EYS: variants seen among roughly 807,000 people sequenced by gnomAD.
The protein encoded by EYS is EGF-like photoreceptor maintenance factor.
A neutral mutation model predicts 282.1 loss-of-function variants in EYS; 250 were observed. That is an observed-to-expected ratio of 0.89 (90% confidence interval 0.80 to 0.98). The LOEUF (loss-of-function observed/expected upper bound fraction) is 0.98. EYS is among the 50% of genes least tolerant of loss of function. The pLI, the probability that EYS is intolerant of heterozygous loss-of-function variation, is 0.00. For synonymous variants in EYS, 1,355 were observed against 1,282.9 expected, an observed-to-expected ratio of 1.06 and a Z score of -1.20; for missense variants, 4,016 against 3,709.0, an observed-to-expected ratio of 1.08 and a Z score of -2.15.
At chr6:64,238,020 A>G (rs1766668695) in intron 30 of EYS, among the ~76,000 whole-genome samples, 1 of 152,240 alleles carries the variant, frequency 6.6e-6, no homozygotes, top group Admixed American at 6.5e-5. Flanking sequence ...TAGGATAAGA[A>G]TCATACCTTA....
In EYS at chr6:65,433,417, T is replaced by C. The variant is rs1355091841; in HGVS notation, c.863-28050A>G. ...TGTGGGACTCACCAGGGTACATGATTTAAAAAAAACAGAATGCTTCAACAA... is the reference window on the plus strand; with the variant it reads ...TGTGGGACTCACCAGGGTACATGATCTAAAAAAAACAGAATGCTTCAACAA... On this transcript the variant is annotated intron_variant, in intron 5 of 42. Transcript: ENST00000503581. 3.3e-5 allele frequency among the ~76,000 whole-genome samples: 5 copies of C among 151,216 alleles called. No individual in the cohort carries two copies. The East Asian group carries it at 7.8e-4, about 23-fold the overall frequency.
intron 2 of EYS, among the ~76,000 whole-genome samples, chr6:65,521,282 T>C (rs981118665): frequency 6.6e-6 from 1 of 152,178 alleles, no homozygotes; most frequent in Non-Finnish European, 1.5e-5. Flanking sequence ...TCAAAAACCC[T>C]GGGGGAAGAA....
At chr6:64,330,258 G>A (rs577612543) in intron 29 of EYS, among the ~76,000 whole-genome samples, 7 of 152,274 alleles carry the variant, frequency 4.6e-5, no homozygotes, top group East Asian at 3.9e-4. Context: ...CAAGGGCAGC[G>A]TGAGCTCGGA....
At chr6:64,006,179 T>C (rs1306940839) in intron 33 of EYS, among the ~76,000 whole-genome samples, 1 of 152,100 alleles carries the variant, frequency 6.6e-6, no homozygotes, top group Non-Finnish European at 1.5e-5. Context: ...TGTAGGGATC[T>C]TTTACCTCAC....
intron 35 of EYS, among the ~76,000 whole-genome samples, chr6:63,885,539 A>G (rs534186490): frequency 6.6e-6 from 1 of 152,330 alleles, no homozygotes; most frequent in South Asian, 2.1e-4. Context: ...TGTTAGGCAC[A>G]GGTTTGCTAA....
intron 18 of EYS, among the ~76,000 whole-genome samples, chr6:64,897,575 C>G (rs1453501007): frequency 1.3e-5 from 2 of 152,098 alleles, no homozygotes; most frequent in Non-Finnish European, 2.9e-5. Flanking sequence ...TTCTCACCAG[C>G]AAGGGAACAA....
intron 28 of EYS, among the ~76,000 whole-genome samples, chr6:64,402,964 C>T (rs1470912044): frequency 1.3e-5 from 2 of 152,012 alleles, no homozygotes; most frequent in Non-Finnish European, 2.9e-5. Flanking sequence ...GATTAATTAT[C>T]AGTGATATGG....
chr6:64,509,541 G>C (rs543118008), intron 26 of EYS, among the ~76,000 whole-genome samples: 39 of 152,248 alleles, frequency 2.6e-4, no homozygotes, highest in Admixed American at 9.2e-4. Context: ...ATGTGGCTAG[G>C]AAAATGTATA....
intron 15 of EYS, among the ~76,000 whole-genome samples, chr6:64,927,627 G>T (rs985218880): frequency 1.3e-5 from 2 of 151,992 alleles, no homozygotes; most frequent in African/African-American, 4.8e-5. Flanking sequence ...AATCTTAAGG[G>T]TTCTGGTGTA....
intron 31 of EYS, among the ~76,000 whole-genome samples, chr6:64,170,157 C>T (rs566510339): frequency 3.3e-5 from 5 of 152,208 alleles, no homozygotes; most frequent in African/African-American, 1.2e-4. Context: ...TGCTTTTCCG[C>T]ATTGTCCCAC....
At chr6:65,446,634 G>A (rs1008759199) in intron 5 of EYS, among the ~76,000 whole-genome samples, 15 of 151,744 alleles carry the variant, frequency 9.9e-5, no homozygotes, top group Non-Finnish European at 4.4e-5. Context: ...AAAAGCCAGA[G>A]GGAAATAAGT....
chr6:63,899,552 C>A (rs556920610), intron 35 of EYS, among the ~76,000 whole-genome samples: 3 of 152,340 alleles, frequency 2.0e-5, no homozygotes, highest in East Asian at 1.9e-4. Flanking sequence ...ACTGTTCCCC[C>A]ACTAATGCCA....
At chr6:65,370,357 G>A (rs1254938520) in intron 8 of EYS, among the ~76,000 whole-genome samples, 1 of 145,452 alleles carries the variant, frequency 6.9e-6, no homozygotes, top group Non-Finnish European at 1.5e-5. Flanking sequence ...TGGGCTCAAA[G>A]TGATTATCCT....
At chr6:64,888,852 TA>T (rs1278264536) in intron 18 of EYS, among the ~76,000 whole-genome samples, 2 of 152,034 alleles carry the variant, frequency 1.3e-5, no homozygotes, top group Non-Finnish European at 2.9e-5. Flanking sequence ...AATCACAGAA[TA>T]GAGAGAAATT....
At chr6:64,763,820 G>C (rs1223372386) in intron 22 of EYS, among the ~76,000 whole-genome samples, 1 of 152,074 alleles carries the variant, frequency 6.6e-6, no homozygotes, top group Non-Finnish European at 1.5e-5. Context: ...ATCTGAAAGG[G>C]AGAAACTGGC....
intron 15 of EYS, among the ~76,000 whole-genome samples, chr6:64,939,810 A>T (rs1412445039): frequency 1.3e-5 from 2 of 152,100 alleles, no homozygotes; most frequent in East Asian, 3.9e-4. Flanking sequence ...GCTAGGTGTA[A>T]GTGTTCTTCT....
At chr6:64,711,938 G>A (rs1771227652) in intron 22 of EYS, among the ~76,000 whole-genome samples, 1 of 152,204 alleles carries the variant, frequency 6.6e-6, no homozygotes, top group Admixed American at 6.5e-5. Context: ...GGGCACAACA[G>A]TGTGGAGAAA....
chr6:63,879,005 AG>A (rs1390202560), intron 35 of EYS, among the ~76,000 whole-genome samples: 4 of 152,112 alleles, frequency 2.6e-5, no homozygotes, highest in Admixed American at 2.6e-4. Context: ...CCGGTACTTC[AG>A]GTGCAACTGC....
intron 12 of EYS, among the ~76,000 whole-genome samples, chr6:65,082,887 G>A (rs1462602348): frequency 6.6e-6 from 1 of 151,864 alleles, no homozygotes; most frequent in Non-Finnish European, 1.5e-5. Context: ...GTAAATGCAT[G>A]CAATGGACTG....
Sources: allele counts gnomAD v4.1 joint callset (sites outside exome capture counted in the v4.1 genomes callset), GRCh38; gene constraint gnomAD v4.1.1; transcripts MANE v1.5; gene names NCBI Gene and HGNC (gene_info 2026-07-23, HGNC 2026-07-21).